GRB14: variants seen among roughly 807,000 people sequenced by gnomAD.
GRB14 encodes growth factor receptor-bound protein 14.
Under a neutral mutation model 69.1 loss-of-function variants are expected in GRB14, and 38 were observed. The observed-to-expected ratio is 0.55, with a 90% CI of 0.42 to 0.72. GRB14 has a LOEUF of 0.72. Among genes scored for constraint, GRB14 ranks in the 30% least tolerant of loss-of-function variants. The pLI, the probability that GRB14 is intolerant of heterozygous loss-of-function variation, is 0.00. For synonymous variants in GRB14, 247 were observed against 241.3 expected (o/e 1.02, Z -0.22); for missense variants, 666 against 666.1 (o/e 1.00, Z 0.00).
chr2:164,574,786 T>TA (rs1263561241), intron 2 of GRB14, among the ~76,000 whole-genome samples: 2 of 151,490 alleles, frequency 1.3e-5, no homozygotes, highest in East Asian at 2.0e-4. Flanking sequence ...CTACAAAAAA[T>TA]AAAAAAATAC....
intron 13 of GRB14, among the ~76,000 whole-genome samples, chr2:164,493,958 G>A (rs183336596): frequency 1.2e-4 from 18 of 152,138 alleles, no homozygotes; most frequent in Non-Finnish European, 5.9e-5. Context: ...CAGAGAAGCC[G>A]AATCACAGAA....
In GRB14 at chr2:164,522,752, C is replaced by T. The variant is rs1446468497; in HGVS notation, c.679-635G>A. Among the ~76,000 whole-genome samples, 9 of 152,172 alleles carry T rather than the reference C, an allele frequency of 5.9e-5. No individual in the cohort carries two copies. In the East Asian group the frequency reaches 1.5e-3, roughly 26 times the overall value. ...TCATGTTTTCCAAAGAGGACAGCAACAATGTCTTCCATCCCACATGCTCTT... is the reference window on the plus strand; with the variant it reads ...TCATGTTTTCCAAAGAGGACAGCAATAATGTCTTCCATCCCACATGCTCTT... On this transcript the variant is annotated intron_variant, in intron 5 of 13. Transcript: ENST00000263915.
In GRB14 at chr2:164,497,509, T is replaced by C. The variant is rs1049156425; in HGVS notation, c.1105-19A>G. 3.6e-6 allele frequency: 5 copies of C among 1,403,948 alleles called. No individual in the cohort carries two copies. The African/African-American group carries it at 5.8e-5, about 16-fold the overall frequency. 87.0% of individuals were successfully genotyped at this position (1,403,948 alleles called of 1,614,324 possible). A position where few individuals can be genotyped will look rare whatever the true frequency, so the allele number is the denominator to read the frequency against. ...TACTTCTCTGGAAAAAAGAAACACA[T>C]TTGAGTTATGAAAATTTCTTTGAAA... is the stretch of plus-strand genomic sequence containing the variant. On this transcript the variant is annotated intron_variant, in intron 9 of 13. Coordinates refer to ENST00000263915, the MANE Select transcript of GRB14 (RefSeq NM_004490.3).
At chr2:164,526,713 T>G (rs1687783327) in intron 4 of GRB14, among the ~76,000 whole-genome samples, 1 of 151,980 alleles carries the variant, frequency 6.6e-6, no homozygotes, top group Admixed American at 6.6e-5. Flanking sequence ...AATTGTTACC[T>G]TTTCACAAAA....
At chr2:164,609,580 C>G (rs144074168) in intron 2 of GRB14, among the ~76,000 whole-genome samples, 1,674 of 152,272 alleles carry the variant, frequency 0.011, 10 homozygotes, top group Non-Finnish European at 0.017. Flanking sequence ...TTTATAAATA[C>G]ATATTTATTA....
intron 2 of GRB14, among the ~76,000 whole-genome samples, chr2:164,548,376 G>A (rs147099655): frequency 1.3e-5 from 2 of 152,276 alleles, no homozygotes; most frequent in Non-Finnish European, 2.9e-5. Context: ...ATTTCATTGT[G>A]TGTATCTGTA....
chr2:164,558,659 A>G (rs901826071), intron 2 of GRB14, among the ~76,000 whole-genome samples: 6 of 152,312 alleles, frequency 3.9e-5, no homozygotes, highest in Admixed American at 2.6e-4. Context: ...GCAGAATACC[A>G]CTGGCCATGC....
At chr2:164,544,243 G>A (rs549635893) in intron 3 of GRB14, among the ~76,000 whole-genome samples, 49 of 152,228 alleles carry the variant, frequency 3.2e-4, no homozygotes, top group African/African-American at 1.2e-3. Context: ...AATTCCCAGT[G>A]TTCCACTTTC....
chr2:164,568,235 T>C lies in GRB14; in HGVS notation c.325-20419A>G, dbSNP rs543807540. On this transcript the variant is annotated intron_variant, in intron 2 of 13. Coordinates refer to ENST00000263915, the MANE Select transcript of GRB14 (RefSeq NM_004490.3). ...AAGGGTATGTAAGTAAAGCTTCCTA[T>C]GTATTAATAAACACACAGTAACAGG... is the stretch of plus-strand genomic sequence containing the variant. The C allele has an allele frequency of 5.2e-5, 41 of 790,430 alleles. No individual in the cohort carries two copies. The Admixed American group carries it at 1.0e-3, about 20-fold the overall frequency. The allele number at this position is 790,430 out of a possible 1,614,324, so 49.0% of individuals were successfully genotyped here. A position where few individuals can be genotyped will look rare whatever the true frequency, so the allele number is the denominator to read the frequency against.
At chr2:164,499,291 T>C (rs897957142) in intron 9 of GRB14, among the ~76,000 whole-genome samples, 1 of 152,154 alleles carries the variant, frequency 6.6e-6, no homozygotes, top group Non-Finnish European at 1.5e-5. Context: ...GTTCCCTATT[T>C]ACTTGACATA....
intron 2 of GRB14, among the ~76,000 whole-genome samples, chr2:164,577,441 A>C (rs1439589387): frequency 6.6e-6 from 1 of 152,170 alleles, no homozygotes; most frequent in African/African-American, 2.4e-5. Context: ...AGTTCTCATG[A>C]GATCTGGTTG....
At chr2:164,600,124 A>C (rs1159841699) in intron 2 of GRB14, among the ~76,000 whole-genome samples, 1 of 152,128 alleles carries the variant, frequency 6.6e-6, no homozygotes, top group Admixed American at 6.6e-5. Flanking sequence ...TAAAGCATGC[A>C]CCCTCTGCTG....
At chr2:164,582,350 T>C (rs1351204527) in intron 2 of GRB14, among the ~76,000 whole-genome samples, 1 of 152,162 alleles carries the variant, frequency 6.6e-6, no homozygotes, top group African/African-American at 2.4e-5. Flanking sequence ...CACCAAGTTC[T>C]GCTAATTTTA....
At position 164,582,424 on chromosome 2, in the gene GRB14, A is replaced by ATT. The variant is rs67781422; in HGVS notation, c.325-34610_325-34609dup. Among the ~76,000 whole-genome samples, 8 of 116,194 alleles carry ATT rather than the reference A, an allele frequency of 6.9e-5. 1 individual carries two copies. Among genetic ancestry groups the ATT allele is most frequent in the East Asian group, 4.9e-4 (2 of 4,086 alleles). The allele number at this position is 116,194 out of a possible 152,430, so 76.2% of individuals were successfully genotyped here. On this transcript the variant is annotated intron_variant, in intron 2 of 13. Transcript: ENST00000263915. The stretch of plus-strand genomic sequence containing the variant: ...GCTCTTATTTATTTATTTATTTATT[A>ATT]TTTTTTTTTTTTTTTGAGAAGGAGT...
At chr2:164,572,142 C>A (rs1689138284) in intron 2 of GRB14, among the ~76,000 whole-genome samples, 1 of 152,064 alleles carries the variant, frequency 6.6e-6, no homozygotes, top group South Asian at 2.1e-4. Context: ...GGAATCTGGG[C>A]AGAAGAAAAA....
At chr2:164,599,461 A>G (rs1369640657) in intron 2 of GRB14, among the ~76,000 whole-genome samples, 1 of 152,302 alleles carries the variant, frequency 6.6e-6, no homozygotes, top group East Asian at 1.9e-4. Flanking sequence ...ACTCTATCCA[A>G]TGTTTCATAG....
intron 2 of GRB14, among the ~76,000 whole-genome samples, chr2:164,587,859 T>C (rs1574335977): frequency 6.6e-6 from 1 of 152,240 alleles, no homozygotes; most frequent in East Asian, 1.9e-4. Context: ...AAACATCACA[T>C]GAAAGACGGG....
At chr2:164,579,313 C>A (rs543748519) in intron 2 of GRB14, among the ~76,000 whole-genome samples, 52 of 152,268 alleles carry the variant, frequency 3.4e-4, no homozygotes, top group African/African-American at 1.2e-3. Context: ...TGATATTAAA[C>A]ACTGAAATAA....
intron 8 of GRB14, among the ~76,000 whole-genome samples, chr2:164,506,840 C>T (rs7568547): frequency 0.079 from 12,059 of 152,066 alleles, 719 homozygotes; most frequent in Non-Finnish European, 0.12. Context: ...TGTTGGTGAA[C>T]CACAAAACAC....
Sources: gnomAD v4.1 joint callset for allele counts (sites outside exome capture counted in the v4.1 genomes callset) on GRCh38, gnomAD v4.1.1 for gene constraint, MANE v1.5 for transcripts, NCBI Gene and HGNC (gene_info 2026-07-23, HGNC 2026-07-21) for gene names.